NPAS3: variants seen among roughly 807,000 people sequenced by gnomAD.
The protein encoded by NPAS3 is neuronal PAS domain protein 3, also known as neuronal PAS domain-containing protein 3.
A neutral mutation model predicts 73.1 loss-of-function variants in NPAS3; 14 were observed. The observed-to-expected ratio is 0.19, with a 90% CI of 0.13 to 0.30. The LOEUF (loss-of-function observed/expected upper bound fraction) is 0.30, where lower values mean the gene tolerates loss of function less well. NPAS3 is among the 10% of genes least tolerant of loss of function. NPAS3 has a pLI of 1.00. For synonymous variants in NPAS3, 620 were observed against 541.5 expected (o/e 1.14, Z -2.01); for missense variants, 1,096 against 1,250.0 (o/e 0.88, Z 1.86).
At chr14:33,702,117 T>G (rs2060539560) in intron 6 of NPAS3, among the ~76,000 whole-genome samples, 1 of 152,238 alleles carries the variant, frequency 6.6e-6, no homozygotes, top group Admixed American at 6.5e-5. Flanking sequence ...GAAGTAACTC[T>G]CTAGAGAGGC....
Position 33,800,725 on chromosome 14 carries a change from G to T in NPAS3, c.2418G>T (p.Val806=), listed in dbSNP as rs1051004182. 1.3e-6 allele frequency: 2 copies of T among 1,552,912 alleles called. No individual in the cohort carries two copies. Among genetic ancestry groups the T allele is most frequent in the Admixed American group, 3.9e-5 (2 of 51,858 alleles). ...CGGGCAACGTCGTGCTCCCGCTGGT[G>T]CACAGGGTGACCGGGACCCTGGCCG... The change falls in exon 12 of 12, where the codon GTG becomes GTT. Residue 806 remains valine (V), a synonymous_variant. Transcript: ENST00000356141. The surrounding 1 kb of genome is among the most constrained non-coding windows in gnomAD (Gnocchi z 6.5).
At chr14:33,497,289 A>G (rs111425151) in intron 4 of NPAS3, among the ~76,000 whole-genome samples, 2,372 of 152,242 alleles carry the variant, frequency 0.016, 48 homozygotes, top group African/African-American at 0.051. Context: ...TAATTTATAG[A>G]TTCAGTGCTA....
intron 4 of NPAS3, among the ~76,000 whole-genome samples, chr14:33,487,718 G>C (rs146850051): frequency 1.3e-5 from 2 of 152,092 alleles, no homozygotes; most frequent in African/African-American, 4.8e-5. Flanking sequence ...TAAGCTTTTC[G>C]TGGAAAATGT....
chr14:33,455,630 A>G (rs1162909942), intron 4 of NPAS3, among the ~76,000 whole-genome samples: 2 of 152,228 alleles, frequency 1.3e-5, no homozygotes, highest in African/African-American at 4.8e-5. Flanking sequence ...AGATGCAGCT[A>G]TAATCTTGTA....
At chr14:32,939,427 C>G (rs2035872085) in intron 1 of NPAS3, 61 bp downstream of exon 1, 1 of 547,540 alleles carries the variant, frequency 1.8e-6, no homozygotes, top group Non-Finnish European at 3.3e-6. Flanking sequence ...CCGCCGCCTC[C>G]GCCGCCGAGG....
At chr14:33,340,774 T>C (rs1386793877) in intron 3 of NPAS3, among the ~76,000 whole-genome samples, 1 of 152,206 alleles carries the variant, frequency 6.6e-6, no homozygotes, top group African/African-American at 2.4e-5. Context: ...ATAGTATTCC[T>C]TATATCAATT....
chr14:33,510,709 T>G (rs1182489994), intron 4 of NPAS3, among the ~76,000 whole-genome samples: 2 of 152,084 alleles, frequency 1.3e-5, no homozygotes, highest in African/African-American at 4.8e-5. Context: ...ATTCTTACAT[T>G]GACTTTTTAT....
At chr14:33,175,022 T>C in intron 2 of NPAS3, among the ~76,000 whole-genome samples, 1 of 152,350 alleles carries the variant, frequency 6.6e-6, no homozygotes, top group Non-Finnish European at 1.5e-5. Context: ...AAGCATGGTA[T>C]CTTTGCAGAT....
intron 5 of NPAS3, chr14:33,583,513 G>C (rs1473375717): frequency 6.6e-6 from 1 of 152,032 alleles, no homozygotes; most frequent in Non-Finnish European, 1.5e-5. Flanking sequence ...CCTAAGAATT[G>C]ATCTATGAAG....
intron 6 of NPAS3, among the ~76,000 whole-genome samples, chr14:33,708,051 G>A (rs1481671364): frequency 6.6e-6 from 1 of 152,016 alleles, no homozygotes; most frequent in Non-Finnish European, 1.5e-5. Flanking sequence ...AAGTCATCGA[G>A]CAGCCACAAA....
intron 3 of NPAS3, among the ~76,000 whole-genome samples, chr14:33,320,879 C>CA (rs146464025): frequency 2.6e-5 from 4 of 151,754 alleles, no homozygotes; most frequent in Non-Finnish European, 5.9e-5. Context: ...GTATACACCT[C>CA]AAAAAAAATT....
At chr14:33,432,598 A>G (rs2048828692) in intron 4 of NPAS3, among the ~76,000 whole-genome samples, 1 of 152,176 alleles carries the variant, frequency 6.6e-6, no homozygotes, top group South Asian at 2.1e-4. Flanking sequence ...GTTTCAAAGG[A>G]GCCCTCTGCT....
chr14:33,535,595 C>A (rs1041866202), intron 4 of NPAS3, among the ~76,000 whole-genome samples: 2 of 152,254 alleles, frequency 1.3e-5, no homozygotes, highest in African/African-American at 4.8e-5. Flanking sequence ...CAATAAATAC[C>A]TAATGAATTA....
At chr14:33,330,552 T>A (rs2043938023) in intron 3 of NPAS3, among the ~76,000 whole-genome samples, 1 of 152,228 alleles carries the variant, frequency 6.6e-6, no homozygotes, top group Non-Finnish European at 1.5e-5. Context: ...CATAATTTCT[T>A]AAATTTGCAA....
intron 4 of NPAS3, among the ~76,000 whole-genome samples, chr14:33,451,877 C>T (rs2049806957): frequency 6.6e-6 from 1 of 152,186 alleles, no homozygotes; most frequent in South Asian, 2.1e-4. Flanking sequence ...TATAAAAAGA[C>T]TGTTCTGAGT....
intron 3 of NPAS3, among the ~76,000 whole-genome samples, chr14:33,275,495 G>C (rs1182915129): frequency 6.6e-6 from 1 of 152,176 alleles, no homozygotes; most frequent in Non-Finnish European, 1.5e-5. Context: ...CAATTTAACA[G>C]TACCCTGTAG....
intron 1 of NPAS3, among the ~76,000 whole-genome samples, chr14:32,971,651 C>T (rs1049893613): frequency 6.6e-6 from 1 of 152,122 alleles, no homozygotes; most frequent in Admixed American, 6.5e-5. Flanking sequence ...TTTTGGATCA[C>T]ATTTTAATTT....
chr14:33,496,616 T>C (rs1411328336), intron 4 of NPAS3, among the ~76,000 whole-genome samples: 2 of 152,150 alleles, frequency 1.3e-5, no homozygotes, highest in East Asian at 3.9e-4. Context: ...ATTATCTCAA[T>C]AGATGCAGAA....
At chr14:33,667,183 T>C (rs529053032) in intron 5 of NPAS3, among the ~76,000 whole-genome samples, 10 of 142,086 alleles carry the variant, frequency 7.0e-5, no homozygotes, top group African/African-American at 1.8e-4. Flanking sequence ...TGTATACTTA[T>C]AGCATATTAC....
Sources: gnomAD v4.1 joint callset for allele counts (sites outside exome capture counted in the v4.1 genomes callset) on GRCh38, gnomAD v4.1.1 for gene constraint, Gnocchi (gnomAD v3.1) non-coding constraint, MANE v1.5 for transcripts, NCBI Gene and HGNC (gene_info 2026-07-23, HGNC 2026-07-21) for gene names.